RCC1: variants seen among roughly 807,000 people sequenced by gnomAD.
The protein encoded by RCC1 is regulator of chromosome condensation 1, also known as regulator of chromosome condensation.
Under a neutral mutation model 44.4 loss-of-function variants are expected in RCC1, and 11 were observed. That is an observed-to-expected ratio of 0.25 (90% confidence interval 0.16 to 0.41). The LOEUF (loss-of-function observed/expected upper bound fraction) is 0.41. Ranked by LOEUF, RCC1 falls within the 10% of genes least tolerant of loss-of-function variation. The pLI, the probability that RCC1 is intolerant of heterozygous loss-of-function variation, is 1.00. For missense variants in RCC1, 386 were observed against 547.1 expected (o/e 0.71, Z 2.94); for synonymous variants, 213 against 216.5 (o/e 0.98, Z 0.14).
intron 2 of RCC1, chr1:28,508,509 T>A (rs1662216725): frequency 2.1e-6 from 1 of 485,420 alleles, no homozygotes; most frequent in Non-Finnish European, 4.1e-6. Context: ...CTGTGGGTGA[T>A]TAGCAATATT....
intron 4 of RCC1, among the ~76,000 whole-genome samples, chr1:28,517,761 C>T (rs184069242): frequency 3.3e-5 from 5 of 151,610 alleles, no homozygotes; most frequent in Admixed American, 3.3e-4. Flanking sequence ...CCTGGGTTCT[C>T]GTGGTTCCCT....
intron 4 of RCC1, among the ~76,000 whole-genome samples, chr1:28,520,989 G>C (rs557212744): frequency 6.6e-6 from 1 of 152,222 alleles, no homozygotes; most frequent in East Asian, 1.9e-4. Flanking sequence ...TGAGGCGGGA[G>C]AATCGCTTGA....
chr1:28,525,413 A>G (rs1160391986), intron 4 of RCC1, among the ~76,000 whole-genome samples: 1 of 152,156 alleles, frequency 6.6e-6, no homozygotes, highest in African/African-American at 2.4e-5. Flanking sequence ...TTGTGGATTT[A>G]CAACCATTTC....
chr1:28,538,228 T>C lies in RCC1; in HGVS notation c.*221T>C, dbSNP rs765499966. On this transcript the variant is annotated 3_prime_UTR_variant, in exon 13 of 13. Transcript: ENST00000683442. ...ATAAAGGGGGGGATGGACAGGGGGTTTTCAAAAGGAACATGGCTCACTCAG... is the reference window on the plus strand; with the variant it reads ...ATAAAGGGGGGGATGGACAGGGGGTCTTCAAAAGGAACATGGCTCACTCAG... 2 of 425,238 alleles carry C rather than the reference T, an allele frequency of 4.7e-6. No homozygotes were observed. Among genetic ancestry groups the C allele is most frequent in the Non-Finnish European group, 8.5e-6 (2 of 236,132 alleles). The allele number at this position is 425,238 out of a possible 1,614,324, so 26.3% of individuals were successfully genotyped here.
Position 28,538,033 on chromosome 1 carries a change from G to A in RCC1, c.*26G>A. The A allele has an allele frequency of 6.2e-7, 1 of 1,601,316 alleles. No homozygotes were observed. Among genetic ancestry groups the A allele is most frequent in the Non-Finnish European group, 8.5e-7 (1 of 1,173,438 alleles). On this transcript the variant is annotated 3_prime_UTR_variant, in exon 13 of 13. Transcript: ENST00000683442. ...TGAAGCCTCTGAGGGCCTGGCTTCT[G>A]TCCTGCACAACCTCCCTCACAGAAC...
rs140243392 is a variant in RCC1 at position 28,520,069 on chromosome 1, T to C, written c.-10+3202T>C. Among the ~76,000 whole-genome samples the C allele has an allele frequency of 3.9e-5, 6 of 152,226 alleles. No homozygotes were observed. The East Asian group carries it at 9.6e-4, about 24-fold the overall frequency. On this transcript the variant is annotated intron_variant, in intron 4 of 12. Coordinates refer to ENST00000683442, the MANE Select transcript of RCC1 (RefSeq NM_001381865.2). ...CCTTCCCCCAGGAAAAATGAACACA[T>C]AGGCCCAGGCACAGGTTGTATAGAA...
At chr1:28,526,112 C>T (rs1302709661) in intron 4 of RCC1, among the ~76,000 whole-genome samples, 1 of 152,068 alleles carries the variant, frequency 6.6e-6, no homozygotes, top group African/African-American at 2.4e-5. Flanking sequence ...TGGCAAAACC[C>T]TGTCTCTACA....
At chr1:28,513,821 G>A (rs1662701743) in intron 3 of RCC1, among the ~76,000 whole-genome samples, 1 of 152,036 alleles carries the variant, frequency 6.6e-6, no homozygotes, top group Admixed American at 6.6e-5. Flanking sequence ...CAGGGCTCAA[G>A]CAATCCTCCC....
At chr1:28,507,004 C>T (rs114926742) in intron 1 of RCC1, 240 of 163,298 alleles carry the variant, frequency 1.5e-3, no homozygotes, top group African/African-American at 5.5e-3. Flanking sequence ...TATGCTTTCT[C>T]GTATTTTTGT....
chr1:28,535,265 C>T lies in RCC1; in HGVS notation c.546C>T (p.Asp182=). The part of the protein sequence containing the change: ...VPVVKVASGN[D]HLVMLTADGD... ...TTACCTTTTCATCCTTAGGAAACGACCACTTGGTGATGCTGACAGCTGATG... is the reference window on the plus strand; with the variant it reads ...TTACCTTTTCATCCTTAGGAAACGATCACTTGGTGATGCTGACAGCTGATG... The change falls in exon 9 of 13, where the codon GAC becomes GAT. Residue 182 remains aspartate (D), a synonymous_variant. Transcript: ENST00000683442. 6.2e-7 allele frequency: 1 copy of T among 1,614,180 alleles called. No individual in the cohort carries two copies. Among genetic ancestry groups the T allele is most frequent in the Non-Finnish European group, 8.5e-7 (1 of 1,180,022 alleles).
intron 4 of RCC1, chr1:28,518,457 G>A (rs1418405062): frequency 8.6e-5 from 13 of 151,130 alleles, no homozygotes; most frequent in Admixed American, 7.3e-4. Flanking sequence ...GAAGCCCGGA[G>A]GCAGGAAGGC....
chr1:28,534,088 G>C (rs905041326), intron 7 of RCC1, among the ~76,000 whole-genome samples: 43 of 151,592 alleles, frequency 2.8e-4, no homozygotes, highest in Admixed American at 1.4e-3. Flanking sequence ...ATGTTGGCCA[G>C]GCTGGTTGTG....
At chr1:28,530,074 T>G in intron 5 of RCC1, 135 bp downstream of exon 5, 2 of 632,720 alleles carry the variant, frequency 3.2e-6, no homozygotes, top group Non-Finnish European at 5.4e-6. Context: ...GCTGGAAGGT[T>G]TCCTGTAGCT....
In RCC1 at chr1:28,506,065, G is replaced by A. The variant is rs1401429044; in HGVS notation, c.-281G>A. 1 of 456,098 alleles carries A rather than the reference G, an allele frequency of 2.2e-6. No individual in the cohort carries two copies. The highest frequency in any genetic ancestry group is 1.5e-5 in the South Asian group (1 of 64,566). 28.3% of individuals were successfully genotyped at this position (456,098 alleles called of 1,614,324 possible). Reference sequence around the variant, plus strand: ...TCTCCTTTTTGGAGACAGATTCGCAGTGGTCGCTTCTTCTCCTTGGTAAGT... The same window carrying A: ...TCTCCTTTTTGGAGACAGATTCGCAATGGTCGCTTCTTCTCCTTGGTAAGT... On this transcript the variant is annotated 5_prime_UTR_variant, in exon 1 of 13. It adds an upstream start codon to the 5' untranslated region. Coordinates refer to ENST00000683442, the MANE Select transcript of RCC1 (RefSeq NM_001381865.2).
chr1:28,535,664 C>G (rs1227359209), intron 9 of RCC1: 1 of 758,370 alleles, frequency 1.3e-6, no homozygotes, highest in Non-Finnish European at 2.3e-6. Flanking sequence ...ATGGTAAGTT[C>G]CACGTAAATG....
In RCC1 at chr1:28,536,171, C is replaced by T; in HGVS notation, c.818-91C>T. On this transcript the variant is annotated intron_variant, in intron 10 of 12. Transcript: ENST00000683442. This position sits in a 1 kb window ranked among gnomAD's most constrained non-coding sequence, Gnocchi z 4.9. Reference sequence around the variant, plus strand: ...ATCTGTAAAGTGAGAATGTCCATATCCTGATGGGAGGTGGCCTCACTGTGG... The same window carrying T: ...ATCTGTAAAGTGAGAATGTCCATATTCTGATGGGAGGTGGCCTCACTGTGG... 6.4e-7 allele frequency: 1 copy of T among 1,563,906 alleles called. No homozygotes were observed. The highest frequency in any genetic ancestry group is 8.7e-7 in the Non-Finnish European group (1 of 1,153,104).
chr1:28,530,751 G>GC, intron 5 of RCC1: 2 of 632,462 alleles, frequency 3.2e-6, no homozygotes, highest in Non-Finnish European at 5.3e-6. Context: ...CCCACAGAGA[G>GC]CCCCGGGCGC....
intron 4 of RCC1, among the ~76,000 whole-genome samples, chr1:28,521,937 T>C (rs1663309311): frequency 6.6e-6 from 1 of 152,210 alleles, no homozygotes; most frequent in South Asian, 2.1e-4. Flanking sequence ...CTCTGTGAAC[T>C]TAGGCCGATA....
intron 1 of RCC1, 100 bp downstream of exon 1, chr1:28,506,184 A>C (rs1262202910): frequency 9.0e-6 from 4 of 444,080 alleles, no homozygotes; most frequent in South Asian, 6.4e-5. Context: ...AAGATCATAT[A>C]GTATTTTATT....
Sources: gnomAD v4.1 joint callset for allele counts (sites outside exome capture counted in the v4.1 genomes callset) on GRCh38, gnomAD v4.1.1 for gene constraint, Gnocchi (gnomAD v3.1) non-coding constraint, MANE v1.5 for transcripts, NCBI Gene and HGNC (gene_info 2026-07-23, HGNC 2026-07-21) for gene names.